The following KLHL12 variants were observed in gnomAD, a reference collection of about 807,000 sequenced individuals.
KLHL12 encodes kelch like family member 12.
A neutral mutation model predicts 60.8 loss-of-function variants in KLHL12; 17 were observed. The ratio of observed to expected loss-of-function variants is 0.28; its 90% confidence interval spans 0.19 to 0.42. KLHL12 has a LOEUF of 0.42. Among genes scored for constraint, KLHL12 ranks in the 10% least tolerant of loss-of-function variants. The pLI, the probability that KLHL12 is intolerant of heterozygous loss-of-function variation, is 1.00. For missense variants in KLHL12, 468 were observed against 722.3 expected (o/e 0.65, Z 4.04); for synonymous variants, 220 against 250.9 (o/e 0.88, Z 1.16).
At chr1:202,906,663 T>A (rs541784303) in intron 6 of KLHL12, among the ~76,000 whole-genome samples, 1 of 152,108 alleles carries the variant, frequency 6.6e-6, no homozygotes, top group African/African-American at 2.4e-5. Flanking sequence ...TTTTATTTAA[T>A]TAATTTATTT....
intron 2 of KLHL12, among the ~76,000 whole-genome samples, chr1:202,922,284 G>GC (rs1389511180): frequency 6.6e-6 from 1 of 151,468 alleles, no homozygotes; most frequent in Non-Finnish European, 1.5e-5. Context: ...AGAGATAAAG[G>GC]GGGGCCGGGC....
chr1:202,904,639 T>C (rs1660126870), intron 6 of KLHL12, among the ~76,000 whole-genome samples: 1 of 152,208 alleles, frequency 6.6e-6, no homozygotes, highest in Non-Finnish European at 1.5e-5. Flanking sequence ...TAGGACATCT[T>C]ACAAGAACAG....
intron 6 of KLHL12, among the ~76,000 whole-genome samples, chr1:202,905,031 T>G (rs1394921825): frequency 6.6e-6 from 1 of 152,168 alleles, no homozygotes; most frequent in East Asian, 1.9e-4. Flanking sequence ...TAGAGATGGG[T>G]AGAGGACATG....
intron 4 of KLHL12, among the ~76,000 whole-genome samples, chr1:202,915,357 T>C (rs1350779848): frequency 6.6e-6 from 1 of 152,120 alleles, no homozygotes; most frequent in Non-Finnish European, 1.5e-5. Context: ...GAGGGAGCAA[T>C]AGCAACTGGG....
At position 202,906,040 on chromosome 1, in the gene KLHL12, C is replaced by T. The variant is rs562101014; in HGVS notation, c.832+2970G>A. Among the ~76,000 whole-genome samples the T allele has an allele frequency of 4.5e-3, 609 of 135,052 alleles. 3 individuals carry two copies. The highest frequency in any genetic ancestry group is 6.6e-3 in the Non-Finnish European group (430 of 64,990). 88.6% of individuals were successfully genotyped at this position (135,052 alleles called of 152,430 possible). On this transcript the variant is annotated intron_variant, in intron 6 of 11. Transcript: ENST00000367261. The stretch of plus-strand genomic sequence containing the variant: ...TTCACCGTGTTAGCCTGGATGGTCT[C>T]GATCTCCTGACCTCGTGATCCACCC...
At position 202,920,002 on chromosome 1, in the gene KLHL12, T is replaced by A. The variant is rs1031409060; in HGVS notation, c.196-94A>T. On this transcript the variant is annotated intron_variant, in intron 2 of 11. Transcript: ENST00000367261. ...TAAGAGCTTAGAGATGTTAATAATATTAATTGAACATTTATCTTTAAAAAT... is the reference window on the plus strand; with the variant it reads ...TAAGAGCTTAGAGATGTTAATAATAATAATTGAACATTTATCTTTAAAAAT... 6 of 1,124,208 alleles carry A rather than the reference T, an allele frequency of 5.3e-6. No homozygotes were observed. In the African/African-American group the frequency reaches 6.4e-5, roughly 12 times the overall value. The allele number at this position is 1,124,208 out of a possible 1,614,324, so 69.6% of individuals were successfully genotyped here.
chr1:202,912,557 G>A (rs1213778407), intron 4 of KLHL12: 2 of 1,094,940 alleles, frequency 1.8e-6, no homozygotes, highest in Non-Finnish European at 2.8e-6. Context: ...CAGTGATTTT[G>A]GCAACTACAA....
intron 2 of KLHL12, among the ~76,000 whole-genome samples, chr1:202,921,215 C>T (rs1173996962): frequency 6.7e-6 from 1 of 150,046 alleles, no homozygotes; most frequent in African/African-American, 2.4e-5. Flanking sequence ...TGCTCTGTTG[C>T]CCAGGCTGGA....
chr1:202,906,622 G>T (rs916321840), intron 6 of KLHL12, among the ~76,000 whole-genome samples: 5 of 151,900 alleles, frequency 3.3e-5, no homozygotes, highest in Non-Finnish European at 7.4e-5. Flanking sequence ...ATGTAAAAAT[G>T]GTTAAGATGG....
intron 7 of KLHL12, 66 bp downstream of exon 7, chr1:202,896,788 T>G: frequency 1.7e-6 from 2 of 1,196,308 alleles, no homozygotes; most frequent in Middle Eastern, 4.4e-4. Context: ...GGATTAGCTA[T>G]GATCTGGAGG....
At chr1:202,903,667 G>A (rs967132460) in intron 6 of KLHL12, among the ~76,000 whole-genome samples, 2 of 114,018 alleles carry the variant, frequency 1.8e-5, no homozygotes, top group Non-Finnish European at 3.4e-5. Flanking sequence ...CTGTGGCCCA[G>A]GCTGGAGTGC....
At chr1:202,927,284 C>T (rs1490281571), upstream of KLHL12, 1 of 974,102 alleles carries the variant, frequency 1.0e-6, no homozygotes, top group Non-Finnish European at 1.2e-6. Flanking sequence ...GGAGCACCGC[C>T]CTCCCCCCGC....
chr1:202,898,684 G>A (rs1274267979), intron 6 of KLHL12, among the ~76,000 whole-genome samples: 1 of 152,096 alleles, frequency 6.6e-6, no homozygotes, highest in Non-Finnish European at 1.5e-5. Context: ...AAATTCTACA[G>A]GTCGAACAGC....
At position 202,893,650 on chromosome 1, in the gene KLHL12, CTTCTT is replaced by C. The variant is rs755201509; in HGVS notation, c.1394-230_1394-226del. Among the ~76,000 whole-genome samples, 3 of 152,228 alleles carry C rather than the reference CTTCTT, an allele frequency of 2.0e-5. No individual in the cohort carries two copies. In the East Asian group the frequency reaches 5.8e-4, roughly 29 times the overall value. On this transcript the variant is annotated intron_variant, in intron 10 of 11. Coordinates refer to ENST00000367261, the MANE Select transcript of KLHL12 (RefSeq NM_021633.4). This position sits in a 1 kb window ranked among gnomAD's most constrained non-coding sequence, Gnocchi z 4.1. ...AAAGATAAATAATAAAAATGGTTCT[CTTCTT>C]TACTTTCATTAACTCAGAGCCCAAC... is the stretch of plus-strand genomic sequence containing the variant.
chr1:202,915,007 T>A (rs901946726), intron 4 of KLHL12: 1 of 151,848 alleles, frequency 6.6e-6, no homozygotes, highest in African/African-American at 2.4e-5. Flanking sequence ...GAGCAGAAGA[T>A]AGAATAAATT....
At chr1:202,902,680 T>C (rs1188061684) in intron 6 of KLHL12, among the ~76,000 whole-genome samples, 2 of 152,142 alleles carry the variant, frequency 1.3e-5, no homozygotes, top group Middle Eastern at 3.4e-3. Context: ...TGCTGAGTAA[T>C]GAACCTGAAT....
At chr1:202,911,663 C>T (rs138921137) in intron 4 of KLHL12, 271 of 445,142 alleles carry the variant, frequency 6.1e-4, no homozygotes, top group African/African-American at 5.1e-3. Flanking sequence ...TAATGATCTC[C>T]AGGCTCACCC....
intron 5 of KLHL12, among the ~76,000 whole-genome samples, chr1:202,910,032 C>G (rs1033879778): frequency 1.3e-5 from 2 of 152,164 alleles, no homozygotes; most frequent in African/African-American, 4.8e-5. Context: ...CTCTATTAAC[C>G]TGACCCAAGA....
chr1:202,894,626 C>T lies in KLHL12; in HGVS notation c.1259G>A (p.Gly420Glu). ...GDMQTAREGAGLVVASGVIYC... is the reference protein window; with the variant it reads ...GDMQTAREGAELVVASGVIYC... ...GATCACTCCACTGGCCACTACGAGT[C>T]CGGCACCTTCCCGGGCTGTCTGCAT... The change falls in exon 9 of 12, where the codon GGA becomes GAA. Residue 420 changes from glycine to glutamate, a missense_variant. Gly to Glu is a moderately conservative substitution (Grantham distance 98, BLOSUM62 -2). Around this residue, in one of 4 missense-constraint regions of KLHL12, gnomAD observed 339 missense variants for 525.0 expected, o/e 0.65. Transcript: ENST00000367261. The T allele has an allele frequency of 6.2e-7, 1 of 1,614,148 alleles. No individual in the cohort carries two copies. Among genetic ancestry groups the T allele is most frequent in the African/African-American group, 1.3e-5 (1 of 75,030 alleles).
Sources: allele counts gnomAD v4.1 joint callset (sites outside exome capture counted in the v4.1 genomes callset), GRCh38; gene constraint gnomAD v4.1.1; regional missense constraint gnomAD v4.1.1; non-coding constraint Gnocchi (gnomAD v3.1); transcripts MANE v1.5; gene names NCBI Gene and HGNC (gene_info 2026-07-23, HGNC 2026-07-21).